The following PTPRD variants were observed in gnomAD, a reference collection of about 807,000 sequenced individuals.
PTPRD encodes the protein receptor-type tyrosine-protein phosphatase delta.
In PTPRD, 34 loss-of-function variants were observed where a neutral mutation model predicts 214.5. That is an observed-to-expected ratio of 0.16 (90% CI 0.12 to 0.21). PTPRD has a LOEUF of 0.21. PTPRD is among the 10% of genes least tolerant of loss of function. The pLI is 1.00. For synonymous variants in PTPRD, 1,128 were observed against 845.7 expected (o/e 1.33, Z -5.79); for missense variants, 2,545 against 2,398.7 (o/e 1.06, Z -1.27).
At chr9:10,586,932 A>G (rs942030727) in intron 2 of PTPRD, among the ~76,000 whole-genome samples, 3 of 152,046 alleles carry the variant, frequency 2.0e-5, no homozygotes, top group African/African-American at 7.2e-5. Flanking sequence ...TTTGCATTTT[A>G]CATGATAATA....
chr9:9,899,706 C>T (rs2075920400), intron 5 of PTPRD, among the ~76,000 whole-genome samples: 1 of 151,488 alleles, frequency 6.6e-6, no homozygotes, highest in Non-Finnish European at 1.5e-5. Flanking sequence ...AGATATACCT[C>T]CAAAGGAAAA....
chr9:9,037,190 A>T (rs1019183734), intron 10 of PTPRD, among the ~76,000 whole-genome samples: 1 of 152,134 alleles, frequency 6.6e-6, no homozygotes, highest in African/African-American at 2.4e-5. Flanking sequence ...CAAATCCAGA[A>T]TGTGGGAGTT....
intron 3 of PTPRD, among the ~76,000 whole-genome samples, chr9:10,205,367 C>CTTTATTTTATTTTAT (rs199568529): frequency 8.8e-5 from 13 of 148,062 alleles, no homozygotes; most frequent in African/African-American, 2.3e-4. Context: ...TCTTCTTCTT[C>CTTTATTTTATTTTAT]TTTATTTTAT....
intron 4 of PTPRD, among the ~76,000 whole-genome samples, chr9:9,940,807 C>T (rs1315137130): frequency 3.3e-5 from 5 of 152,160 alleles, no homozygotes; most frequent in African/African-American, 7.2e-5. Flanking sequence ...GATTTCTCTT[C>T]CTACATTTCA....
At chr9:9,601,601 GT>G (rs1321493154) in intron 7 of PTPRD, among the ~76,000 whole-genome samples, 1 of 151,994 alleles carries the variant, frequency 6.6e-6, no homozygotes, top group Non-Finnish European at 1.5e-5. Flanking sequence ...TACATTCTCA[GT>G]TTTTTGCTCA....
At chr9:9,274,870 T>C (rs982585091) in intron 9 of PTPRD, among the ~76,000 whole-genome samples, 21 of 149,196 alleles carry the variant, frequency 1.4e-4, no homozygotes, top group African/African-American at 4.9e-4. Flanking sequence ...TAGATAGGAA[T>C]GATTCTACTC....
At chr9:8,975,363 C>A (rs1467420048) in intron 11 of PTPRD, among the ~76,000 whole-genome samples, 2 of 151,872 alleles carry the variant, frequency 1.3e-5, no homozygotes, top group African/African-American at 4.8e-5. Context: ...AAACTGAGGC[C>A]TAGGAAGATT....
At chr9:9,475,884 C>T (rs897979618) in intron 8 of PTPRD, among the ~76,000 whole-genome samples, 2 of 152,044 alleles carry the variant, frequency 1.3e-5, no homozygotes, top group South Asian at 4.1e-4. Context: ...TAGGCTTTGG[C>T]CTATGTTATA....
chr9:9,892,166 A>G (rs1041852967), intron 5 of PTPRD, among the ~76,000 whole-genome samples: 4 of 152,154 alleles, frequency 2.6e-5, no homozygotes, highest in Non-Finnish European at 5.9e-5. Context: ...GCAGGTGCTG[A>G]TAAGTTCTAT....
intron 24 of PTPRD, 80 bp from the exon 25 acceptor site, chr9:8,499,920 T>A: frequency 7.9e-7 from 1 of 1,263,428 alleles, no homozygotes; most frequent in Non-Finnish European, 1.1e-6. Context: ...TTTCTTTACT[T>A]AGGTTTCTCT....
chr9:9,626,549 G>A (rs2095431593), intron 7 of PTPRD, among the ~76,000 whole-genome samples: 2 of 152,252 alleles, frequency 1.3e-5, no homozygotes, highest in South Asian at 4.1e-4. Flanking sequence ...GGAAAAAGAA[G>A]AGGAAGGAAG....
chr9:9,065,272 A>G (rs1451796694), intron 10 of PTPRD, among the ~76,000 whole-genome samples: 1 of 152,182 alleles, frequency 6.6e-6, no homozygotes, highest in African/African-American at 2.4e-5. Flanking sequence ...TGTTTGAAAT[A>G]GAGAGATCAG....
chr9:9,859,888 T>C (rs2062346760), intron 5 of PTPRD, among the ~76,000 whole-genome samples: 1 of 152,322 alleles, frequency 6.6e-6, no homozygotes, highest in African/African-American at 2.4e-5. Context: ...TACCAGTATA[T>C]TTGTACCTAT....
At chr9:8,899,387 A>G (rs556302187) in intron 11 of PTPRD, among the ~76,000 whole-genome samples, 4 of 152,176 alleles carry the variant, frequency 2.6e-5, no homozygotes, top group African/African-American at 9.7e-5. Flanking sequence ...AAGCAGTTGC[A>G]CAATTCAAGG....
chr9:9,755,411 G>A (rs759671589), intron 6 of PTPRD, among the ~76,000 whole-genome samples: 1 of 152,042 alleles, frequency 6.6e-6, no homozygotes, highest in East Asian at 1.9e-4. Context: ...TGTTACCACG[G>A]TTTAAGGGTA....
chr9:8,660,038 C>T (rs2097004165), intron 12 of PTPRD, among the ~76,000 whole-genome samples: 1 of 152,188 alleles, frequency 6.6e-6, no homozygotes, highest in African/African-American at 2.4e-5. Flanking sequence ...CTCTGTTCCT[C>T]AGGTACAAAA....
intron 8 of PTPRD, among the ~76,000 whole-genome samples, chr9:9,452,249 G>C (rs1424695815): frequency 6.6e-6 from 1 of 151,356 alleles, no homozygotes; most frequent in Non-Finnish European, 1.5e-5. Flanking sequence ...ATTGACAATA[G>C]AATAATATTT....
chr9:9,908,743 G>T (rs1012867772), intron 5 of PTPRD, among the ~76,000 whole-genome samples: 2 of 151,864 alleles, frequency 1.3e-5, no homozygotes, highest in Non-Finnish European at 1.5e-5. Context: ...AGTATTTCAG[G>T]AGTGATGAAC....
chr9:9,299,227 T>C (rs992929461), intron 9 of PTPRD, among the ~76,000 whole-genome samples: 3 of 151,796 alleles, frequency 2.0e-5, no homozygotes, highest in Non-Finnish European at 4.4e-5. Flanking sequence ...ATTTCAATAT[T>C]AGTTAATTAG....
Sources: allele counts gnomAD v4.1 joint callset (sites outside exome capture counted in the v4.1 genomes callset), GRCh38; gene constraint gnomAD v4.1.1; transcripts MANE v1.5; gene names NCBI Gene and HGNC (gene_info 2026-07-23, HGNC 2026-07-21).